The following LIPI variants were observed in gnomAD, a reference collection of about 807,000 sequenced individuals.
The protein encoded by LIPI is lipase I.
Under a neutral mutation model 50.6 loss-of-function variants are expected in LIPI, and 59 were observed. That is an observed-to-expected ratio of 1.16 (90% CI 0.94 to 1.45). LIPI has a LOEUF of 1.45. Among genes scored for constraint, LIPI ranks in the 40% most tolerant of loss-of-function variants. The pLI is 0.00. For missense variants in LIPI, 586 were observed against 536.3 expected, an observed-to-expected ratio of 1.09 and a Z score of -0.92; for synonymous variants, 203 against 178.2, an observed-to-expected ratio of 1.14 and a Z score of -1.11.
At chr21:14,151,427 G>A (rs902239740) in intron 8 of LIPI, among the ~76,000 whole-genome samples, 7 of 152,098 alleles carry the variant, frequency 4.6e-5, no homozygotes, top group African/African-American at 1.7e-4. Context: ...CCTATACTGT[G>A]ACAGCAGTAA....
At chr21:14,180,722 G>A (rs901819312) in intron 4 of LIPI, among the ~76,000 whole-genome samples, 4 of 152,200 alleles carry the variant, frequency 2.6e-5, no homozygotes, top group African/African-American at 9.7e-5. Flanking sequence ...AGAAGTAGGT[G>A]AACCTAGATT....
chr21:14,181,446 A>G, intron 4 of LIPI, among the ~76,000 whole-genome samples: 1 of 152,102 alleles, frequency 6.6e-6, no homozygotes, highest in Non-Finnish European at 1.5e-5. Flanking sequence ...ATGGGGGAAA[A>G]TGTGATCAAA....
At chr21:14,172,465 C>G (rs531880172) in intron 4 of LIPI, among the ~76,000 whole-genome samples, 2 of 151,948 alleles carry the variant, frequency 1.3e-5, no homozygotes, top group East Asian at 3.9e-4. Context: ...TGGAACCAAC[C>G]CAAATGTCCA....
chr21:14,190,419 T>A (rs2019631967), intron 1 of LIPI, among the ~76,000 whole-genome samples: 1 of 152,158 alleles, frequency 6.6e-6, no homozygotes, highest in Non-Finnish European at 1.5e-5. Flanking sequence ...CAGGAAATAA[T>A]TTTTCAATCC....
At chr21:14,166,082 C>T (rs916124872) in intron 5 of LIPI, among the ~76,000 whole-genome samples, 1 of 152,116 alleles carries the variant, frequency 6.6e-6, no homozygotes, top group Non-Finnish European at 1.5e-5. Flanking sequence ...CATGTGCTTC[C>T]TCAATGACTT....
At chr21:14,116,718 A>G (rs1162337301) in intron 9 of LIPI, among the ~76,000 whole-genome samples, 2 of 152,146 alleles carry the variant, frequency 1.3e-5, no homozygotes, top group South Asian at 2.1e-4. Context: ...GTTCCCATAC[A>G]TAGACTCCTG....
At chr21:14,114,756 C>T (rs989238082) in intron 9 of LIPI, among the ~76,000 whole-genome samples, 10 of 152,170 alleles carry the variant, frequency 6.6e-5, no homozygotes, top group Non-Finnish European at 1.2e-4. Context: ...ATGTCACCCA[C>T]AGGTCCAAGA....
At chr21:14,201,243 A>C (rs1314937634) in intron 1 of LIPI, among the ~76,000 whole-genome samples, 1 of 152,148 alleles carries the variant, frequency 6.6e-6, no homozygotes, top group Admixed American at 6.6e-5. Context: ...ATTGCAACTA[A>C]AACAAAAATT....
chr21:14,184,481 A>T (rs1457339229), intron 3 of LIPI, among the ~76,000 whole-genome samples: 1 of 152,062 alleles, frequency 6.6e-6, no homozygotes, highest in African/African-American at 2.4e-5. Flanking sequence ...TATAATAATA[A>T]TAAAATTTAA....
At chr21:14,201,290 A>G (rs2020043698) in intron 1 of LIPI, among the ~76,000 whole-genome samples, 1 of 152,192 alleles carries the variant, frequency 6.6e-6, no homozygotes, top group East Asian at 1.9e-4. Flanking sequence ...GAGCTTCTGC[A>G]CAACAAAAGT....
intron 3 of LIPI, 125 bp from the exon 4 acceptor site, chr21:14,181,984 G>C: frequency 1.5e-6 from 1 of 674,498 alleles, no homozygotes; most frequent in Admixed American, 2.1e-5. Flanking sequence ...ACCTATCCAA[G>C]AACATATCTA....
At chr21:14,171,293 A>T (rs933011792) in intron 4 of LIPI, among the ~76,000 whole-genome samples, 12 of 145,508 alleles carry the variant, frequency 8.2e-5, no homozygotes, top group Non-Finnish European at 1.5e-4. Context: ...ATACTGCCCA[A>T]GGTAATTTAT....
intron 1 of LIPI, among the ~76,000 whole-genome samples, chr21:14,208,551 A>T (rs2020283980): frequency 6.6e-6 from 1 of 152,230 alleles, no homozygotes; most frequent in Admixed American, 6.5e-5. Context: ...AAAAAATCAA[A>T]ATTATAATAT....
At chr21:14,195,963 C>G (rs2019828488) in intron 1 of LIPI, among the ~76,000 whole-genome samples, 3 of 152,150 alleles carry the variant, frequency 2.0e-5, no homozygotes, top group African/African-American at 7.2e-5. Context: ...GGATGTAAAG[C>G]AACTGAAACC....
intron 2 of LIPI, among the ~76,000 whole-genome samples, chr21:14,187,350 T>TG (rs1202709939): frequency 6.6e-6 from 1 of 152,040 alleles, no homozygotes; most frequent in African/African-American, 2.4e-5. Context: ...GTGGAGCGCT[T>TG]GCCACTAATG....
chr21:14,158,102 T>A (rs1365632790), intron 7 of LIPI, among the ~76,000 whole-genome samples: 1 of 151,836 alleles, frequency 6.6e-6, no homozygotes, highest in African/African-American at 2.4e-5. Context: ...GACTTGATGA[T>A]GTCTGAGATC....
At chr21:14,202,559 C>T (rs1295676057) in intron 1 of LIPI, among the ~76,000 whole-genome samples, 1 of 152,006 alleles carries the variant, frequency 6.6e-6, no homozygotes, top group Non-Finnish European at 1.5e-5. Context: ...CTTTGACAAA[C>T]CTGAGAAAAA....
intron 9 of LIPI, 188 bp downstream of exon 9, chr21:14,144,435 C>T: frequency 2.3e-6 from 1 of 435,158 alleles, no homozygotes; most frequent in Non-Finnish European, 4.2e-6. Flanking sequence ...ATGAGATTCC[C>T]AAATAAATTT....
intron 9 of LIPI, among the ~76,000 whole-genome samples, chr21:14,126,343 T>C (rs1160590699): frequency 6.6e-6 from 1 of 152,208 alleles, no homozygotes; most frequent in Non-Finnish European, 1.5e-5. Context: ...GTGGCATATC[T>C]ATACAATAGA....
Sources: gnomAD v4.1 joint callset for allele counts (sites outside exome capture counted in the v4.1 genomes callset) on GRCh38, gnomAD v4.1.1 for gene constraint, MANE v1.5 for transcripts, NCBI Gene and HGNC (gene_info 2026-07-23, HGNC 2026-07-21) for gene names.